The following SCARA3 variants were observed in gnomAD, a reference collection of about 807,000 sequenced individuals.
SCARA3 encodes the protein cellular stress response gene protein.
SCARA3 carries 39 observed loss-of-function variants against 47.0 expected under a neutral mutation model. The observed-to-expected ratio is 0.83, with a 90% CI of 0.64 to 1.08. The LOEUF is 1.08. SCARA3 is among the 50% of genes least tolerant of loss of function. The pLI is 0.00. For synonymous variants in SCARA3, 356 were observed against 334.1 expected, an observed-to-expected ratio of 1.07 and a Z score of -0.71; for missense variants, 724 against 792.3, an observed-to-expected ratio of 0.91 and a Z score of 1.04.
the SCARA3 span, among the ~76,000 whole-genome samples, chr8:27,714,193 C>CTTTTTTTTTTTTTTTTTTTTTTTT: frequency 8.8e-6 from 1 of 114,112 alleles, no homozygotes; most frequent in Non-Finnish European, 1.7e-5. Flanking sequence ...TCAGGTATTC[C>CTTTTTTTTTTTTTTTTTTTTTTTT]TTTTTTTTTT....
At chr8:27,693,004 T>C in the SCARA3 span, among the ~76,000 whole-genome samples, 1 of 151,730 alleles carries the variant, frequency 6.6e-6, no homozygotes, top group African/African-American at 2.4e-5. Flanking sequence ...TGTGCACTTG[T>C]AGTCCCAGCA....
At chr8:27,687,272 G>A in the SCARA3 span, among the ~76,000 whole-genome samples, 1 of 152,132 alleles carries the variant, frequency 6.6e-6, no homozygotes, top group Admixed American at 6.5e-5. Context: ...GTCTGAATAG[G>A]AGAGAAGACC....
the SCARA3 span, among the ~76,000 whole-genome samples, chr8:27,715,882 A>AT: frequency 4.6e-5 from 7 of 152,114 alleles, no homozygotes; most frequent in South Asian, 1.4e-3. This position sits in a 1 kb window ranked among gnomAD's most constrained non-coding sequence, Gnocchi z 4.2. Context: ...AGATAGATAG[A>AT]AAGAAACATA....
chr8:27,699,566 A>G, the SCARA3 span, among the ~76,000 whole-genome samples: 2 of 152,176 alleles, frequency 1.3e-5, no homozygotes, highest in African/African-American at 4.8e-5. Context: ...ATAAAAGTGC[A>G]AAGGATCTAG....
intron 1 of SCARA3, among the ~76,000 whole-genome samples, chr8:27,643,964 G>A (rs566326573): frequency 3.5e-4 from 53 of 152,318 alleles, no homozygotes; most frequent in African/African-American, 9.4e-4. Flanking sequence ...TACCCCCAAA[G>A]GGAGAGCTGA....
chr8:27,730,218 ACT>A, the SCARA3 span, among the ~76,000 whole-genome samples: 2 of 152,126 alleles, frequency 1.3e-5, no homozygotes, highest in Admixed American at 6.5e-5. Flanking sequence ...TCATCCTGTA[ACT>A]CTGTGTCCAA....
At chr8:27,643,430 G>A (rs563501707) in intron 1 of SCARA3, among the ~76,000 whole-genome samples, 6 of 152,292 alleles carry the variant, frequency 3.9e-5, no homozygotes, top group African/African-American at 1.4e-4. Flanking sequence ...CAGAGCCACG[G>A]AAGCAGAAAA....
intron 2 of SCARA3, among the ~76,000 whole-genome samples, chr8:27,651,246 G>A (rs1271933426): frequency 2.6e-5 from 4 of 152,212 alleles, no homozygotes; most frequent in Non-Finnish European, 2.9e-5. Flanking sequence ...CCCATGGGCC[G>A]AATGAAGACA....
At chr8:27,709,408 A>G in the SCARA3 span, among the ~76,000 whole-genome samples, 2 of 152,210 alleles carry the variant, frequency 1.3e-5, no homozygotes, top group African/African-American at 4.8e-5. Flanking sequence ...ACAGCACTGT[A>G]GACTCCACAC....
chr8:27,711,256 G>A, the SCARA3 span, among the ~76,000 whole-genome samples: 83 of 152,280 alleles, frequency 5.5e-4, no homozygotes, highest in African/African-American at 1.8e-3. Flanking sequence ...GTAGACATTG[G>A]TGATCATTGT....
At chr8:27,702,112 G>A in the SCARA3 span, 2 of 152,164 alleles carry the variant, frequency 1.3e-5, no homozygotes, top group Non-Finnish European at 2.9e-5. Context: ...AAAGCCAAGC[G>A]TAGTGGCAGA....
At chr8:27,710,812 G>A in the SCARA3 span, among the ~76,000 whole-genome samples, 1 of 151,682 alleles carries the variant, frequency 6.6e-6, no homozygotes, top group Non-Finnish European at 1.5e-5. Context: ...TTGTGCGGAT[G>A]GTATTTCTAA....
chr8:27,718,091 C>T, the SCARA3 span, among the ~76,000 whole-genome samples: 2 of 152,232 alleles, frequency 1.3e-5, no homozygotes, highest in Non-Finnish European at 2.9e-5. Flanking sequence ...CCTGTGGCCT[C>T]TGTTCTCTGC....
chr8:27,725,601 A>C, the SCARA3 span, among the ~76,000 whole-genome samples: 1 of 151,228 alleles, frequency 6.6e-6, no homozygotes, highest in Non-Finnish European at 1.5e-5. Flanking sequence ...TGGGTGGTGT[A>C]AGTCAGAGTC....
At chr8:27,731,916 T>C in the SCARA3 span, among the ~76,000 whole-genome samples, 2 of 152,170 alleles carry the variant, frequency 1.3e-5, no homozygotes, top group Non-Finnish European at 2.9e-5. Flanking sequence ...ATTTTCTCTT[T>C]TTCAGTCTGT....
intron 1 of SCARA3, among the ~76,000 whole-genome samples, chr8:27,637,860 T>C (rs1801289113): frequency 6.6e-6 from 1 of 151,716 alleles, no homozygotes; most frequent in African/African-American, 2.4e-5. Context: ...GGATCTCCAC[T>C]CATGAGCGGC....
chr8:27,704,363 T>C, the SCARA3 span, among the ~76,000 whole-genome samples: 1 of 152,116 alleles, frequency 6.6e-6, no homozygotes, highest in Non-Finnish European at 1.5e-5. Context: ...GAAGGATTGC[T>C]TGAGCCCAGG....
downstream of SCARA3, chr8:27,680,069 G>C (rs1396068304): frequency 1.3e-5 from 2 of 152,034 alleles, no homozygotes; most frequent in Non-Finnish European, 1.5e-5. Flanking sequence ...AAATATGTTG[G>C]ATGCAGATAA....
intron 1 of SCARA3, among the ~76,000 whole-genome samples, chr8:27,636,773 G>A (rs779688752): frequency 6.6e-6 from 1 of 152,232 alleles, no homozygotes; most frequent in African/African-American, 2.4e-5. Flanking sequence ...TGCATGGGCT[G>A]CGGGGCTGGG....
Sources: gnomAD v4.1 joint callset for allele counts (sites outside exome capture counted in the v4.1 genomes callset) on GRCh38, gnomAD v4.1.1 for gene constraint, Gnocchi (gnomAD v3.1) non-coding constraint, MANE v1.5 for transcripts, NCBI Gene and HGNC (gene_info 2026-07-23, HGNC 2026-07-21) for gene names.